Variants in SCIN observed in about 807,000 individuals in gnomAD.
The protein encoded by SCIN is adseverin.
In SCIN, 91 loss-of-function variants were observed where a neutral mutation model predicts 91.8. That is an observed-to-expected ratio of 0.99 (90% confidence interval 0.84 to 1.18). The LOEUF is 1.18. SCIN is among the 50% of genes most tolerant of loss of function. The pLI is 0.00. For missense variants in SCIN, 1,087 were observed against 863.9 expected (o/e 1.26, Z -3.24); for synonymous variants, 367 against 312.6 (o/e 1.17, Z -1.84).
At chr7:12,627,631 G>A (rs180719182) in intron 8 of SCIN, among the ~76,000 whole-genome samples, 32 of 152,292 alleles carry the variant, frequency 2.1e-4, no homozygotes, top group East Asian at 3.9e-4. Context: ...GACGTGAAGC[G>A]TGAATCTAAG....
At chr7:12,644,444 G>T in intron 12 of SCIN, 129 bp downstream of exon 12, 1 of 1,435,578 alleles carries the variant, frequency 7.0e-7, no homozygotes, top group Non-Finnish European at 9.3e-7. Flanking sequence ...TAGTTGCAGA[G>T]GTGGGTGGGT....
intron 4 of SCIN, among the ~76,000 whole-genome samples, chr7:12,617,180 A>G (rs551252282): frequency 6.6e-6 from 1 of 152,244 alleles, no homozygotes; most frequent in Non-Finnish European, 1.5e-5. Context: ...GACCAGGGAA[A>G]GATTTGACTC....
rs1385613118 is a variant in SCIN, at chr7:12,656,997, A to T, written c.*4282A>T. On this transcript the variant is annotated 3_prime_UTR_variant, in exon 16 of 16. Coordinates refer to ENST00000297029, the MANE Select transcript of SCIN (RefSeq NM_001112706.3). ...GGAAATGACTAAAATCAAATATTTT[A>T]CTTGGTAATGCCAAGTAAAAATACA... 1 of 152,004 alleles carries T rather than the reference A, an allele frequency of 6.6e-6. No individual in the cohort carries two copies. The highest frequency in any genetic ancestry group is 2.4e-5 in the African/African-American group (1 of 41,386). 9.4% of individuals were successfully genotyped at this position (152,004 alleles called of 1,614,324 possible).
chr7:12,579,391 C>T (rs771407021), intron 2 of SCIN, among the ~76,000 whole-genome samples: 11 of 152,218 alleles, frequency 7.2e-5, no homozygotes, highest in African/African-American at 2.2e-4. Context: ...TTATGACAAA[C>T]GATACTGAAA....
chr7:12,652,836 G>C lies in SCIN; in HGVS notation c.*121G>C. On this transcript the variant is annotated 3_prime_UTR_variant, in exon 16 of 16. Transcript: ENST00000297029. ...TTGAAAATTAAGGCTGGGCGCGGTG[G>C]CTCACACCTGTAATCCCAGCACTTT... is the stretch of plus-strand genomic sequence containing the variant. 1 of 1,215,284 alleles carries C rather than the reference G, an allele frequency of 8.2e-7. No individual in the cohort carries two copies. Among genetic ancestry groups the C allele is most frequent in the Non-Finnish European group, 1.1e-6 (1 of 874,518 alleles). 75.3% of individuals were successfully genotyped at this position (1,215,284 alleles called of 1,614,324 possible). A position where few individuals can be genotyped will look rare whatever the true frequency, so the allele number is the denominator to read the frequency against.
At chr7:12,593,751 G>T (rs973917029) in intron 3 of SCIN, among the ~76,000 whole-genome samples, 1 of 152,122 alleles carries the variant, frequency 6.6e-6, no homozygotes, top group African/African-American at 2.4e-5. Context: ...ACTTGGCCAG[G>T]GTCTGTGGGT....
In SCIN at chr7:12,652,872, G is replaced by C. The variant is rs145416620; in HGVS notation, c.*157G>C. On this transcript the variant is annotated 3_prime_UTR_variant, in exon 16 of 16. Transcript: ENST00000297029. ...TAATCCCAGCACTTTGAGAGGATGA[G>C]GTAGGCGGATCACTGGGGTCAGGAT... 2 of 827,802 alleles carry C rather than the reference G, an allele frequency of 2.4e-6. No homozygotes were observed. The highest frequency in any genetic ancestry group is 1.8e-6 in the Non-Finnish European group (1 of 547,654). 51.3% of individuals were successfully genotyped at this position (827,802 alleles called of 1,614,324 possible).
At chr7:12,645,387 T>C (rs1325346101) in intron 13 of SCIN, among the ~76,000 whole-genome samples, 5 of 152,114 alleles carry the variant, frequency 3.3e-5, no homozygotes, top group African/African-American at 1.2e-4. Flanking sequence ...GGGAAGGGCA[T>C]TCCCATGTGG....
chr7:12,627,007 G>A (rs922560567), intron 8 of SCIN, among the ~76,000 whole-genome samples: 9 of 151,964 alleles, frequency 5.9e-5, no homozygotes, highest in East Asian at 1.9e-4. Flanking sequence ...TGAGAATCGC[G>A]TGAGCCTGGG....
At chr7:12,580,975 T>G (rs1782475413) in intron 2 of SCIN, 85 bp from the exon 3 acceptor site, 1 of 1,365,356 alleles carries the variant, frequency 7.3e-7, no homozygotes, top group Admixed American at 2.3e-5. Flanking sequence ...ACACCAGCAG[T>G]ATTATTGTGC....
At chr7:12,591,367 G>C (rs1782718992) in intron 3 of SCIN, among the ~76,000 whole-genome samples, 1 of 152,100 alleles carries the variant, frequency 6.6e-6, no homozygotes, top group Non-Finnish European at 1.5e-5. Context: ...TTAGTTTCCT[G>C]CTTTCTAGAG....
intron 4 of SCIN, among the ~76,000 whole-genome samples, chr7:12,617,919 G>C (rs1167032001): frequency 6.6e-6 from 1 of 152,082 alleles, no homozygotes. Context: ...TCTGGCTTAT[G>C]GCTTTTAATG....
At chr7:12,649,678 C>T (rs1448909765) in intron 14 of SCIN, 134 bp downstream of exon 14, 1 of 467,964 alleles carries the variant, frequency 2.1e-6, no homozygotes, top group Non-Finnish European at 3.7e-6. Flanking sequence ...CACACACACA[C>T]ATTTGGTAAA....
At chr7:12,625,233 A>T (rs1783490572) in intron 6 of SCIN, 91 bp downstream of exon 6, 8 of 1,210,676 alleles carry the variant, frequency 6.6e-6, no homozygotes, top group Non-Finnish European at 8.9e-6. Context: ...TTTTAAAAAA[A>T]AGCCCACCTT....
rs1196798935 is a variant in SCIN at position 12,658,685 on chromosome 7, GA to G, written c.*5971del. On this transcript the variant is annotated 3_prime_UTR_variant, in exon 16 of 16. Transcript: ENST00000297029. Reference sequence around the variant, plus strand: ...AGGTGATGCCAAGACTCTCTTGTATGATTTTCCTCTCTAGCTTGGGGCTGCA... The same window carrying G: ...AGGTGATGCCAAGACTCTCTTGTATGTTTTCCTCTCTAGCTTGGGGCTGCA... 6.6e-6 allele frequency: 1 copy of G among 152,196 alleles called. No homozygotes were observed. Among genetic ancestry groups the G allele is most frequent in the African/African-American group, 2.4e-5 (1 of 41,452 alleles). 9.4% of individuals were successfully genotyped at this position (152,196 alleles called of 1,614,324 possible). A position where few individuals can be genotyped will look rare whatever the true frequency, so the allele number is the denominator to read the frequency against.
chr7:12,636,638 G>A (rs1275547093), intron 10 of SCIN, among the ~76,000 whole-genome samples: 5 of 152,272 alleles, frequency 3.3e-5, no homozygotes, highest in South Asian at 2.1e-4. Flanking sequence ...TGGGCCTAGC[G>A]TAATCACCAG....
chr7:12,628,954 A>G (rs957776901), intron 8 of SCIN, 147 bp from the exon 9 acceptor site: 4 of 708,962 alleles, frequency 5.6e-6, no homozygotes, highest in South Asian at 2.2e-5. Context: ...ATCGATAACA[A>G]TTTCTTTGCT....
intron 4 of SCIN, among the ~76,000 whole-genome samples, chr7:12,617,906 C>T (rs1290040526): frequency 6.6e-6 from 1 of 152,092 alleles, no homozygotes; most frequent in Non-Finnish European, 1.5e-5. Flanking sequence ...AATAAGTTGG[C>T]ATTCTGGCTT....
At chr7:12,625,358 AG>A (rs1783494080) in intron 6 of SCIN, among the ~76,000 whole-genome samples, 1 of 151,974 alleles carries the variant, frequency 6.6e-6, no homozygotes, top group East Asian at 1.9e-4. Context: ...CAATATAAAA[AG>A]AATTGTTTTA....
Sources: allele counts gnomAD v4.1 joint callset (sites outside exome capture counted in the v4.1 genomes callset), GRCh38; gene constraint gnomAD v4.1.1; transcripts MANE v1.5; gene names NCBI Gene and HGNC (gene_info 2026-07-23, HGNC 2026-07-21).